Variants in CITED2 observed in about 807,000 individuals in gnomAD.
The protein encoded by CITED2 is Cbp/p300 interacting transactivator with ED-rich tail 2.
CITED2 carries 2 observed loss-of-function variants against 11.8 expected under a neutral mutation model. The observed-to-expected ratio is 0.17, with a 90% CI of 0.07 to 0.54. CITED2 has a LOEUF of 0.54. Ranked by LOEUF, CITED2 falls within the 20% of genes least tolerant of loss-of-function variation. The pLI, the probability that CITED2 is intolerant of heterozygous loss-of-function variation, is 0.94. For missense variants in CITED2, 437 were observed against 390.2 expected, an observed-to-expected ratio of 1.12 and a Z score of -1.01; for synonymous variants, 210 against 153.0, an observed-to-expected ratio of 1.37 and a Z score of -2.75.
At position 139,373,175 on chromosome 6, in the gene CITED2, G is replaced by A; in HGVS notation, c.770C>T (p.Thr257Met). The A allele has an allele frequency of 6.2e-7, 1 of 1,614,224 alleles. No individual in the cohort carries two copies. Among genetic ancestry groups the A allele is most frequent in the Non-Finnish European group, 8.5e-7 (1 of 1,180,036 alleles). The change falls in exon 2 of 2, where the codon ACG becomes ATG. Residue 257 changes from threonine (T) to methionine (M), a missense_variant. Transcript: ENST00000367651. ...GGGCTGCTGTTTGCACACGAAGTCC[G>A]TCATAAAATCAAACTCGTTTTGCCC... Reference protein sequence around the residue: ...WLGQNEFDFMTDFVCKQQPSR... With the variant: ...WLGQNEFDFMMDFVCKQQPSR...
Position 139,373,448 on chromosome 6 carries a change from G to GTGC in CITED2, c.494_496dup (p.Ser165dup). ...GCTGCTGCCGCCCGAGCCGCCGGGG[G>GTGC]TGCTGCTGCCGCCGCTGTGCTTGGG... On this transcript the variant is annotated inframe_insertion, in exon 2 of 2. Transcript: ENST00000367651. 3.2e-6 allele frequency: 5 copies of GTGC among 1,549,432 alleles called. No individual in the cohort carries two copies. The highest frequency in any genetic ancestry group is 4.3e-6 in the Non-Finnish European group (5 of 1,150,170).
At chr6:139,374,290 T>A (rs1165529108) in intron 1 of CITED2, 123 bp downstream of exon 1, 9 of 951,470 alleles carry the variant, frequency 9.5e-6, no homozygotes, top group African/African-American at 5.0e-5. Context: ...GCCCTCCTCA[T>A]CCTGTTGTTG....
chr6:139,373,477 G>A lies in CITED2; in HGVS notation c.468C>T (p.Cys156=), dbSNP rs769164766. Residue 156 remains cysteine, a synonymous_variant, in exon 2 of 2, where the codon TGC becomes TGT. Transcript: ENST00000367651. ...TGCTGCCGCCGCTGTGCTTGGGGTT[G>A]CAATCTCGGAAGTGCTGGTTTGTCC... ...MNGTNQHFRD[C]NPKHSGGSST... 8 of 1,603,938 alleles carry A rather than the reference G, an allele frequency of 5.0e-6. No homozygotes were observed. In the East Asian group the frequency reaches 1.8e-4, roughly 36 times the overall value.
chr6:139,373,917 G>A lies in CITED2; in HGVS notation c.28C>T (p.His10Tyr), dbSNP rs1413627110. The stretch of plus-strand genomic sequence containing the variant: ...TTGGTGCCGTCGGGGAAGCGCCCGT[G>A]GTTCATGGCCATCATATGGTCTGCC... The part of the protein sequence containing the change: MADHMMAMN[H>Y]GRFPDGTNGL... The change falls in exon 2 of 2, where the codon CAC becomes TAC. Residue 10 changes from histidine (H) to tyrosine (Y), a missense_variant. Transcript: ENST00000367651. 1.3e-6 allele frequency: 2 copies of A among 1,599,428 alleles called. No individual in the cohort carries two copies. The highest frequency in any genetic ancestry group is 1.7e-6 in the Non-Finnish European group (2 of 1,179,884).
In CITED2 at chr6:139,373,265, A is replaced by C; in HGVS notation, c.680T>G (p.Val227Gly). ...CATTTCTATCACCAAGGACATAAGA[A>C]CTTCCTCGTCGATGAAATCAGTGTC... Reference protein sequence around the residue: ...VIDTDFIDEEVLMSLVIEMGL... With the variant: ...VIDTDFIDEEGLMSLVIEMGL... The change falls in exon 2 of 2, where the codon GTT (valine) becomes GGT (glycine). Residue 227 changes from valine to glycine, a missense_variant. Physicochemically the swap from Val to Gly is moderately radical, Grantham distance 109. Coordinates refer to ENST00000367651, the MANE Select transcript of CITED2 (RefSeq NM_006079.5). 2 of 1,614,090 alleles carry C rather than the reference A, an allele frequency of 1.2e-6. No individual in the cohort carries two copies. The highest frequency in any genetic ancestry group is 1.7e-6 in the Non-Finnish European group (2 of 1,180,018).
rs1778246313 is a variant in CITED2 at position 139,371,821 on chromosome 6, T to C, written c.*1311A>G. On this transcript the variant is annotated 3_prime_UTR_variant, in exon 2 of 2. Coordinates refer to ENST00000367651, the MANE Select transcript of CITED2 (RefSeq NM_006079.5). ...ATCACTGGAGATAAAGGTAGATTTATATTTAATGCCACCCATCAATCAATC... is the reference window on the plus strand; with the variant it reads ...ATCACTGGAGATAAAGGTAGATTTACATTTAATGCCACCCATCAATCAATC... 6.6e-6 allele frequency: 1 copy of C among 152,224 alleles called. No homozygotes were observed. Among genetic ancestry groups the C allele is most frequent in the Non-Finnish European group, 1.5e-5 (1 of 68,030 alleles). 9.4% of individuals were successfully genotyped at this position (152,224 alleles called of 1,614,324 possible).
intron 1 of CITED2, 123 bp from the exon 2 acceptor site, chr6:139,374,075 C>T: frequency 6.6e-7 from 1 of 1,523,324 alleles, no homozygotes; most frequent in Non-Finnish European, 8.8e-7. Context: ...CGAACCACCA[C>T]CCCCAAGATC....
chr6:139,373,735 C>A lies in CITED2; in HGVS notation c.210G>T (p.Arg70Ser). Residue 70 changes from arginine (R) to serine (S), a missense_variant, in exon 2 of 2, where the codon AGG (arginine) becomes AGT (serine). Coordinates refer to ENST00000367651, the MANE Select transcript of CITED2 (RefSeq NM_006079.5). ...AGNMNATSGI[R>S]HAMGPGTVNG... The stretch of plus-strand genomic sequence containing the variant: ...TCACAGTCCCCGGCCCCATCGCATG[C>A]CTGATGCCGCTCGTGGCATTCATGT... 1 of 1,610,530 alleles carries A rather than the reference C, an allele frequency of 6.2e-7. No homozygotes were observed.
rs1280397700 is a variant in CITED2, at chr6:139,373,086, C to G, written c.*46G>C. 4.5e-6 allele frequency: 7 copies of G among 1,546,204 alleles called. No homozygotes were observed. The highest frequency in any genetic ancestry group is 6.3e-6 in the Non-Finnish European group (7 of 1,118,772). ...AGGGAATGTTTCTTTTAATTCACGC[C>G]GAAGAAGTTGGGGGTTTGATTTCTT... On this transcript the variant is annotated 3_prime_UTR_variant, in exon 2 of 2. Transcript: ENST00000367651.
In CITED2 at chr6:139,372,899, C is replaced by T. The variant is rs957160987; in HGVS notation, c.*233G>A. The T allele has an allele frequency of 1.0e-5, 6 of 581,154 alleles. No homozygotes were observed. Among genetic ancestry groups the T allele is most frequent in the Admixed American group, 8.8e-5 (3 of 34,250 alleles). 36.0% of individuals were successfully genotyped at this position (581,154 alleles called of 1,614,324 possible). ...CCAAGTTAGCTAGATATTTCAACTA[C>T]ATAAGGGAGGTGGGTGAATGTCAAG... On this transcript the variant is annotated 3_prime_UTR_variant, in exon 2 of 2. Coordinates refer to ENST00000367651, the MANE Select transcript of CITED2 (RefSeq NM_006079.5).
In CITED2 at chr6:139,373,179, T is replaced by C; in HGVS notation, c.766A>G (p.Met256Val). ...LWLGQNEFDF[M>V]TDFVCKQQPS... ...TGCTGTTTGCACACGAAGTCCGTCA[T>C]AAAATCAAACTCGTTTTGCCCCAGC... Residue 256 changes from methionine (M) to valine (V), a missense_variant, in exon 2 of 2, where the codon ATG becomes GTG. This residue lies in a region of CITED2 where 21 missense variants were observed against 20.5 expected (regional missense o/e 1.03). Coordinates refer to ENST00000367651, the MANE Select transcript of CITED2 (RefSeq NM_006079.5). 3 of 1,614,220 alleles carry C rather than the reference T, an allele frequency of 1.9e-6. No homozygotes were observed. Among genetic ancestry groups the C allele is most frequent in the Non-Finnish European group, 2.5e-6 (3 of 1,180,034 alleles).
chr6:139,373,748 G>C lies in CITED2; in HGVS notation c.197C>G (p.Thr66Arg). Residue 66 changes from threonine (T) to arginine (R), a missense_variant, in exon 2 of 2, where the codon ACG (threonine) becomes AGG (arginine). Coordinates refer to ENST00000367651, the MANE Select transcript of CITED2 (RefSeq NM_006079.5). ...IHYGAGNMNA[T>R]SGIRHAMGPG... ...CCCCATCGCATGCCTGATGCCGCTCGTGGCATTCATGTTGCCCGCGCCGTA... is the reference window on the plus strand; with the variant it reads ...CCCCATCGCATGCCTGATGCCGCTCCTGGCATTCATGTTGCCCGCGCCGTA... The C allele has an allele frequency of 6.2e-7, 1 of 1,610,666 alleles. No homozygotes were observed. Among genetic ancestry groups the C allele is most frequent in the Non-Finnish European group, 8.5e-7 (1 of 1,179,832 alleles).
At position 139,373,904 on chromosome 6, in the gene CITED2, G is replaced by C. The variant is rs1399887515; in HGVS notation, c.41C>G (p.Pro14Arg). The change falls in exon 2 of 2, where the codon CCC becomes CGC. Residue 14 changes from proline to arginine, a missense_variant. By Grantham distance (103) the Pro-to-Arg change is moderately radical. Coordinates refer to ENST00000367651, the MANE Select transcript of CITED2 (RefSeq NM_006079.5). ...ATGGTGCAGCCCATTGGTGCCGTCG[G>C]GGAAGCGCCCGTGGTTCATGGCCAT... is the stretch of plus-strand genomic sequence containing the variant. The part of the protein sequence containing the change: ...HMMAMNHGRF[P>R]DGTNGLHHHP... The C allele has an allele frequency of 1.2e-6, 2 of 1,600,182 alleles. No homozygotes were observed. The highest frequency in any genetic ancestry group is 2.2e-5 in the South Asian group (2 of 91,054).
Position 139,373,398 on chromosome 6 carries a change from AGCTGCTGCCAGAGCCGCCGGGGGTGCT to A in CITED2, c.520_546del (p.Thr175_Ser183del), listed in dbSNP as rs1233484802. The A allele has an allele frequency of 2.6e-6, 4 of 1,562,776 alleles. No individual in the cohort carries two copies. Among genetic ancestry groups the A allele is most frequent in the Middle Eastern group, 1.7e-4 (1 of 5,846 alleles). Reference sequence around the variant, plus strand: ...TTGCTGCTGCCCGCGCCGCCGCCCGAGCTGCTGCCAGAGCCGCCGGGGGTGCTGCTGCCGCCCGAGCCGCCGGGGGTG... The same window carrying A: ...TTGCTGCTGCCCGCGCCGCCGCCCGAGCTGCCGCCCGAGCCGCCGGGGGTG... On this transcript the variant is annotated inframe_deletion, in exon 2 of 2. Coordinates refer to ENST00000367651, the MANE Select transcript of CITED2 (RefSeq NM_006079.5).
intron 1 of CITED2, chr6:139,374,206 C>A: frequency 7.0e-7 from 1 of 1,434,052 alleles, no homozygotes; most frequent in Non-Finnish European, 9.1e-7. Context: ...GAGCCCACAC[C>A]CCCTTTGCTC....
chr6:139,374,160 A>T, intron 1 of CITED2: 1 of 1,460,982 alleles, frequency 6.8e-7, no homozygotes, highest in African/African-American at 1.4e-5. Context: ...ACGCTGCACA[A>T]ACAGCCCCTT....
chr6:139,373,801 G>A lies in CITED2; in HGVS notation c.144C>T (p.Phe48=). 1 of 1,609,786 alleles carries A rather than the reference G, an allele frequency of 6.2e-7. No homozygotes were observed. The highest frequency in any genetic ancestry group is 2.2e-5 in the East Asian group (1 of 44,862). ...HHQQQQPQHA[F]NALMGEHIHY... ...GTATGTGCTCGCCCATTAGGGCGTT[G>A]AAGGCGTGCTGGGGCTGCTGCTGCT... The change falls in exon 2 of 2, where the codon TTC becomes TTT. Residue 48 remains phenylalanine (F), a synonymous_variant. Transcript: ENST00000367651.
chr6:139,373,909 G>C lies in CITED2; in HGVS notation c.36C>G (p.Arg12=). The C allele has an allele frequency of 6.3e-7, 1 of 1,599,940 alleles. No homozygotes were observed. The highest frequency in any genetic ancestry group is 1.3e-5 in the African/African-American group (1 of 75,016). ...ADHMMAMNHG[R]FPDGTNGLHH... ...GCAGCCCATTGGTGCCGTCGGGGAA[G>C]CGCCCGTGGTTCATGGCCATCATAT... The change falls in exon 2 of 2, where the codon CGC becomes CGG. Residue 12 remains arginine (R), a synonymous_variant. Coordinates refer to ENST00000367651, the MANE Select transcript of CITED2 (RefSeq NM_006079.5).
In CITED2 at chr6:139,372,537, C is replaced by G. The variant is rs1778267755; in HGVS notation, c.*595G>C. ...TGGGGGGGGCGGCGGGGGGGACAGC[C>G]AACTTGAAAGTGAACAGTATGACTT... On this transcript the variant is annotated 3_prime_UTR_variant, in exon 2 of 2. Coordinates refer to ENST00000367651, the MANE Select transcript of CITED2 (RefSeq NM_006079.5). The G allele has an allele frequency of 6.3e-6, 1 of 158,858 alleles. No homozygotes were observed. 9.8% of individuals were successfully genotyped at this position (158,858 alleles called of 1,614,324 possible).
Sources: allele counts gnomAD v4.1 joint callset, GRCh38; gene constraint gnomAD v4.1.1; regional missense constraint gnomAD v4.1.1; transcripts MANE v1.5; gene names NCBI Gene and HGNC (gene_info 2026-07-23, HGNC 2026-07-21).